Variants in VIPR2 observed in about 807,000 individuals in gnomAD.
VIPR2 encodes vasoactive intestinal polypeptide receptor 2.
VIPR2 carries 48 observed loss-of-function variants against 58.0 expected under a neutral mutation model. The observed-to-expected ratio is 0.83, with a 90% CI of 0.66 to 1.05. VIPR2 has a LOEUF of 1.05. Among genes scored for constraint, VIPR2 ranks in the 50% least tolerant of loss-of-function variants. The probability of loss-of-function intolerance (pLI) is 0.00; values close to 1 mark genes in which losing one functional copy is unlikely to be tolerated. For missense variants in VIPR2, 534 were observed against 558.0 expected (o/e 0.96, Z 0.43); for synonymous variants, 243 against 235.2 (o/e 1.03, Z -0.30).
intron 4 of VIPR2, among the ~76,000 whole-genome samples, chr7:159,075,173 G>A (rs556312252): frequency 5.3e-5 from 8 of 152,286 alleles, no homozygotes; most frequent in African/African-American, 1.9e-4. Context: ...TAAAAATGGA[G>A]GCTAGAACTG....
rs1424127782 is a variant in VIPR2 at position 159,096,864 on chromosome 7, T to C, written c.357+6893A>G. 8.4e-6 allele frequency: 13 copies of C among 1,544,606 alleles called. No individual in the cohort carries two copies. In the Admixed American group the frequency reaches 2.4e-4, roughly 28 times the overall value. The stretch of plus-strand genomic sequence containing the variant: ...GGATGCTTCCGCCGTACTGTGTCCA[T>C]GGCTGAGACCACCCTCTCTGTGGCC... On this transcript the variant is annotated intron_variant, in intron 4 of 12. Coordinates refer to ENST00000262178, the MANE Select transcript of VIPR2 (RefSeq NM_003382.5). This position sits in a 1 kb window ranked among gnomAD's most constrained non-coding sequence, Gnocchi z 5.5.
chr7:159,054,838 T>C (rs1585373935), intron 5 of VIPR2, among the ~76,000 whole-genome samples: 1 of 152,350 alleles, frequency 6.6e-6, no homozygotes, highest in East Asian at 1.9e-4. Flanking sequence ...TTGATACATA[T>C]CTATGTGGTA....
chr7:159,037,346 A>G (rs1854040345), intron 6 of VIPR2, among the ~76,000 whole-genome samples: 1 of 151,360 alleles, frequency 6.6e-6, no homozygotes. Context: ...GTGTGGGGCG[A>G]GGTATGGGTG....
chr7:159,062,909 C>G (rs964825147), intron 4 of VIPR2, among the ~76,000 whole-genome samples: 4 of 152,142 alleles, frequency 2.6e-5, no homozygotes, highest in Non-Finnish European at 5.9e-5. Flanking sequence ...AATCCCTGAG[C>G]CAGACACAAA....
chr7:159,039,749 C>A lies in VIPR2; in HGVS notation c.598-2847G>T, dbSNP rs978989396. ...TCCAGAACTGAGAAGTAAATGTCTG[C>A]GACAGGAGCACACGTGGATGGAGAC... On this transcript the variant is annotated intron_variant, in intron 6 of 12. Coordinates refer to ENST00000262178, the MANE Select transcript of VIPR2 (RefSeq NM_003382.5). Among the ~76,000 whole-genome samples, 14 of 152,332 alleles carry A rather than the reference C, an allele frequency of 9.2e-5. 1 individual carries two copies. In the South Asian group the frequency reaches 2.5e-3, roughly 27 times the overall value.
At chr7:159,084,899 T>A (rs1857093424) in intron 4 of VIPR2, among the ~76,000 whole-genome samples, 1 of 152,186 alleles carries the variant, frequency 6.6e-6, no homozygotes. Flanking sequence ...CCTATTTTTG[T>A]GGGAAATGTT....
intron 1 of VIPR2, 66 bp downstream of exon 1, chr7:159,144,655 C>T: frequency 1.5e-6 from 2 of 1,372,924 alleles, no homozygotes; most frequent in Non-Finnish European, 1.9e-6. Context: ...GCGGGAGGAG[C>T]GCTCTTCTCG....
At chr7:159,123,902 G>A (rs1455997155) in intron 2 of VIPR2, among the ~76,000 whole-genome samples, 1 of 152,200 alleles carries the variant, frequency 6.6e-6, no homozygotes, top group Non-Finnish European at 1.5e-5. Flanking sequence ...CTAATGTTCA[G>A]TGATGTTGAC....
chr7:159,095,467 C>G lies in VIPR2; in HGVS notation c.357+8290G>C, dbSNP rs757585800. Among the ~76,000 whole-genome samples, 1 of 152,206 alleles carries G rather than the reference C, an allele frequency of 6.6e-6. No homozygotes were observed. The highest frequency in any genetic ancestry group is 2.4e-5 in the African/African-American group (1 of 41,456). On this transcript the variant is annotated intron_variant, in intron 4 of 12. Coordinates refer to ENST00000262178, the MANE Select transcript of VIPR2 (RefSeq NM_003382.5). The surrounding 1 kb of genome is among the most constrained non-coding windows in gnomAD (Gnocchi z 5.2). ...AGATACAGCAGAGAGAATGTGACAA[C>G]TGAGTTTCCTCTTTGTACTGACAAA...
At chr7:159,055,208 C>A (rs1443706651) in intron 5 of VIPR2, among the ~76,000 whole-genome samples, 2 of 152,142 alleles carry the variant, frequency 1.3e-5, no homozygotes, top group Non-Finnish European at 2.9e-5. Flanking sequence ...AACCCAGAGA[C>A]CAGGAGTTCC....
intron 4 of VIPR2, among the ~76,000 whole-genome samples, chr7:159,087,493 C>T (rs1226870337): frequency 7.7e-6 from 1 of 129,782 alleles, no homozygotes; most frequent in Non-Finnish European, 1.6e-5. Flanking sequence ...CCCCAACAAA[C>T]AATACCCAGG....
chr7:159,034,613 C>T lies in VIPR2; in HGVS notation c.847G>A (p.Val283Ile). 1 of 1,614,006 alleles carries T rather than the reference C, an allele frequency of 6.2e-7. No homozygotes were observed. Among genetic ancestry groups the T allele is most frequent in the Non-Finnish European group, 8.5e-7 (1 of 1,179,944 alleles). Residue 283 changes from valine to isoleucine, a missense_variant, in exon 9 of 13, where the codon GTC becomes ATC. Around this residue, in one of 3 missense-constraint regions of VIPR2, gnomAD observed 306 missense variants for 285.8 expected, o/e 1.07. Coordinates refer to ENST00000262178, the MANE Select transcript of VIPR2 (RefSeq NM_003382.5). The part of the protein sequence containing the change: ...DTNDHSVPWW[V>I]IRIPILISII... ...GAAATTAAAATCGGTATTCGTATGA[C>T]CCACCAGGGCACACTGTGGTCGTTT...
At chr7:159,040,421 G>T (rs1221992320) in intron 6 of VIPR2, among the ~76,000 whole-genome samples, 2 of 152,238 alleles carry the variant, frequency 1.3e-5, no homozygotes, top group East Asian at 3.9e-4. Context: ...AAGCTTGGGG[G>T]TGTGCTTCTG....
intron 4 of VIPR2, among the ~76,000 whole-genome samples, chr7:159,074,430 T>A (rs988864815): frequency 6.6e-6 from 1 of 152,174 alleles, no homozygotes; most frequent in Non-Finnish European, 1.5e-5. Flanking sequence ...TGGAAGGTGA[T>A]CAGTTTGTGA....
rs180700365 is a variant in VIPR2 at position 159,116,515 on chromosome 7, T to C, written c.152-6596A>G. ...TGGAAGCTTCCAGGCAATGAGTGAC[T>C]TTTCAATGTAGACTGGCAGTGGTGG... On this transcript the variant is annotated intron_variant, in intron 2 of 12. Coordinates refer to ENST00000262178, the MANE Select transcript of VIPR2 (RefSeq NM_003382.5). Among the ~76,000 whole-genome samples, 59 of 152,308 alleles carry C rather than the reference T, an allele frequency of 3.9e-4. No individual in the cohort carries two copies. In the East Asian group the frequency reaches 9.3e-3, roughly 24 times the overall value.
At chr7:159,047,628 T>A (rs1454424265) in intron 5 of VIPR2, among the ~76,000 whole-genome samples, 1 of 152,252 alleles carries the variant, frequency 6.6e-6, no homozygotes. Flanking sequence ...TGTATAATAC[T>A]ATTGAAAGTA....
At chr7:159,046,192 T>C (rs780878149) in intron 5 of VIPR2, among the ~76,000 whole-genome samples, 4 of 152,170 alleles carry the variant, frequency 2.6e-5, no homozygotes, top group Non-Finnish European at 4.4e-5. Flanking sequence ...AATTACAATA[T>C]GCCCCAGAAT....
chr7:159,104,939 C>T (rs574967900), intron 3 of VIPR2, among the ~76,000 whole-genome samples: 2 of 151,668 alleles, frequency 1.3e-5, no homozygotes, highest in African/African-American at 2.4e-5. Context: ...CATCACCAAC[C>T]GTGACCCAGT....
intron 5 of VIPR2, among the ~76,000 whole-genome samples, chr7:159,051,443 A>C (rs1855000076): frequency 6.6e-6 from 1 of 152,220 alleles, no homozygotes; most frequent in African/African-American, 2.4e-5. Flanking sequence ...GAAGAATAAA[A>C]ATATTTGATC....
Sources: allele counts gnomAD v4.1 joint callset (sites outside exome capture counted in the v4.1 genomes callset), GRCh38; gene constraint gnomAD v4.1.1; regional missense constraint gnomAD v4.1.1; non-coding constraint Gnocchi (gnomAD v3.1); transcripts MANE v1.5; gene names NCBI Gene and HGNC (gene_info 2026-07-23, HGNC 2026-07-21).